Variants in PTPRF observed in about 807,000 individuals in gnomAD.
PTPRF encodes the protein receptor-type tyrosine-protein phosphatase F.
A neutral mutation model predicts 201.8 loss-of-function variants in PTPRF; 59 were observed. The ratio of observed to expected loss-of-function variants is 0.29; its 90% CI spans 0.24 to 0.36. The LOEUF (loss-of-function observed/expected upper bound fraction) is 0.36. Among genes scored for constraint, PTPRF ranks in the 10% least tolerant of loss-of-function variants. The pLI is 1.00. For synonymous variants in PTPRF, 1,088 were observed against 1,089.7 expected, an observed-to-expected ratio of 1.00 and a Z score of 0.03; for missense variants, 2,132 against 2,690.5, an observed-to-expected ratio of 0.79 and a Z score of 4.59.
At chr1:43,558,624 C>T (rs566132073) in intron 5 of PTPRF, among the ~76,000 whole-genome samples, 21 of 152,316 alleles carry the variant, frequency 1.4e-4, no homozygotes, top group South Asian at 8.3e-4. Context: ...TCTCCCTCGC[C>T]GGGTAATGGC....
At position 43,603,620 on chromosome 1, in the gene PTPRF, G is replaced by C. The variant is rs565543436; in HGVS notation, c.2468G>C (p.Arg823Pro). 1.2e-6 allele frequency: 2 copies of C among 1,612,550 alleles called. No homozygotes were observed. The highest frequency in any genetic ancestry group is 2.7e-5 in the African/African-American group (2 of 74,912). ...IVTTTGAVPG[R>P]PTMMISTTAM... ...GCCCGTGGTCCTTCAGTCCCAGGCCGGCCCACCATGATGATCAGCACCACG... is the reference window on the plus strand; with the variant it reads ...GCCCGTGGTCCTTCAGTCCCAGGCCCGCCCACCATGATGATCAGCACCACG... The change falls in exon 16 of 34, where the codon CGG becomes CCG. Residue 823 changes from arginine to proline, a missense_variant. Physicochemically the swap from Arg to Pro is moderately radical, Grantham distance 103. Around this residue, in one of 6 missense-constraint regions of PTPRF, gnomAD observed 818 missense variants for 915.3 expected, o/e 0.89. Transcript: ENST00000359947. This position sits in a 1 kb window ranked among gnomAD's most constrained non-coding sequence, Gnocchi z 5.8.
In PTPRF at chr1:43,617,392, C is replaced by T. The variant is rs1043051568; in HGVS notation, c.4072-53C>T. 5.6e-6 allele frequency: 9 copies of T among 1,608,908 alleles called. No homozygotes were observed. The African/African-American group carries it at 9.4e-5, about 17-fold the overall frequency. On this transcript the variant is annotated intron_variant, in intron 23 of 33. Transcript: ENST00000359947. ...AAGGCTGGGTCCCCTGCAGGAGAAG[C>T]AGGTCAACCTTGGCTCTTACCCCAC...
At chr1:43,578,744 T>G in intron 6 of PTPRF, 66 bp from the exon 7 acceptor site, 1 of 1,224,476 alleles carries the variant, frequency 8.2e-7, no homozygotes, top group Non-Finnish European at 1.2e-6. Flanking sequence ...TGTCGAGACC[T>G]CTCACCGTGT....
Position 43,599,216 on chromosome 1 carries a change from C to T in PTPRF, c.2313+303C>T, listed in dbSNP as rs570670088. Among the ~76,000 whole-genome samples, 462 of 152,316 alleles carry T rather than the reference C, an allele frequency of 3.0e-3. 2 individuals are homozygous for T. The highest frequency in any genetic ancestry group is 5.3e-3 in the Non-Finnish European group (359 of 68,026). On this transcript the variant is annotated intron_variant, in intron 13 of 33. Transcript: ENST00000359947. The stretch of plus-strand genomic sequence containing the variant: ...TCAGCCTCCCGAGTAGCTGGGATTA[C>T]AGGCGTCTGCCACTGCGCCTAGCCA...
rs572412073 is a variant in PTPRF, at chr1:43,592,714, C to T, written c.1813+113C>T. ...CAGGTGGGGTGGTCAGGTCTGCTGG[C>T]CAAACCGAACTCTGGCCTGGGCTCT... is the stretch of plus-strand genomic sequence containing the variant. On this transcript the variant is annotated intron_variant, in intron 11 of 33. Coordinates refer to ENST00000359947, the MANE Select transcript of PTPRF (RefSeq NM_002840.5). The T allele has an allele frequency of 6.1e-5, 77 of 1,260,182 alleles. No individual in the cohort carries two copies. In the African/African-American group the frequency reaches 1.1e-3, roughly 18 times the overall value. 78.1% of individuals were successfully genotyped at this position (1,260,182 alleles called of 1,614,324 possible). A position where few individuals can be genotyped will look rare whatever the true frequency, so the allele number is the denominator to read the frequency against.
At chr1:43,536,593 A>G (rs1175005067) in intron 1 of PTPRF, among the ~76,000 whole-genome samples, 1 of 152,208 alleles carries the variant, frequency 6.6e-6, no homozygotes, top group Non-Finnish European at 1.5e-5. Flanking sequence ...GGGTCTCTGC[A>G]CAATGGTGCA....
rs1570513468 is a variant in PTPRF, at chr1:43,600,052, T to C, written c.2313+1139T>C. Among the ~76,000 whole-genome samples the C allele has an allele frequency of 2.0e-5, 3 of 152,304 alleles. No homozygotes were observed. The East Asian group carries it at 5.8e-4, about 29-fold the overall frequency. On this transcript the variant is annotated intron_variant, in intron 13 of 33. Transcript: ENST00000359947. The stretch of plus-strand genomic sequence containing the variant: ...AGGAGCCTTATTCCTCCAGCTGGGC[T>C]CAGCCATCTGAAGCAAAATTCTTTC...
At chr1:43,613,355 A>T (rs1194216466) in intron 22 of PTPRF, 1 of 432,222 alleles carries the variant, frequency 2.3e-6, no homozygotes, top group African/African-American at 2.0e-5. Context: ...ATCTTGAGAG[A>T]CCTGCCAGGC....
intron 7 of PTPRF, among the ~76,000 whole-genome samples, chr1:43,587,996 G>T (rs1400493683): frequency 6.6e-6 from 1 of 152,190 alleles, no homozygotes; most frequent in Non-Finnish European, 1.5e-5. Flanking sequence ...GTTGGCGCAG[G>T]AAGCCGTCTG....
rs1652961058 is a variant in PTPRF, at chr1:43,598,577, A to G, written c.2120-143A>G. On this transcript the variant is annotated intron_variant, in intron 12 of 33. Transcript: ENST00000359947. ...GAGGGAGCCTTCCGTGTGCCTCACC[A>G]GGGACAGATGATCTAAGGAAACTGT... 6.4e-6 allele frequency: 5 copies of G among 781,660 alleles called. No individual in the cohort carries two copies. The East Asian group carries it at 1.1e-4, about 17-fold the overall frequency. The allele number at this position is 781,660 out of a possible 1,614,324, so 48.4% of individuals were successfully genotyped here.
At position 43,620,187 on chromosome 1, in the gene PTPRF, T is replaced by C. The variant is rs1240227296; in HGVS notation, c.5204T>C (p.Ile1735Thr). The C allele has an allele frequency of 1.2e-6, 2 of 1,614,072 alleles. No individual in the cohort carries two copies. The highest frequency in any genetic ancestry group is 1.3e-5 in the African/African-American group (1 of 75,026). The change falls in exon 30 of 34, where the codon ATC becomes ACC. Residue 1735 changes from isoleucine (I) to threonine (T), a missense_variant. Physicochemically the swap from Ile to Thr is moderately conservative, Grantham distance 89. Transcript: ENST00000359947. ...RMLWEHNSTI[I>T]VMLTKLREMG... Reference sequence around the variant, plus strand: ...CTATGGGAGCACAATTCCACCATCATCGTCATGCTGACCAAGCTTCGGGAG... The same window carrying C: ...CTATGGGAGCACAATTCCACCATCACCGTCATGCTGACCAAGCTTCGGGAG...
chr1:43,524,914 G>T (rs902116402), upstream of PTPRF, among the ~76,000 whole-genome samples: 2 of 152,228 alleles, frequency 1.3e-5, no homozygotes, highest in African/African-American at 2.4e-5. Context: ...GTTCCAAGCC[G>T]ACTGGAGAAC....
intron 5 of PTPRF, among the ~76,000 whole-genome samples, chr1:43,563,515 A>G (rs1645952083): frequency 6.6e-6 from 1 of 152,184 alleles, no homozygotes. Flanking sequence ...AAGGAGCCCC[A>G]GGAACCGACT....
At chr1:43,545,268 G>C (rs752168752) in intron 3 of PTPRF, 102 bp downstream of exon 3, 71 of 1,284,850 alleles carry the variant, frequency 5.5e-5, no homozygotes, top group Non-Finnish European at 7.4e-5. Flanking sequence ...GGAGAGACAG[G>C]GTGGCCAGAA....
intron 13 of PTPRF, among the ~76,000 whole-genome samples, 192 bp downstream of exon 13, chr1:43,599,105 TTTTG>T (rs372529817): frequency 1.1e-3 from 163 of 152,182 alleles, no homozygotes; most frequent in Non-Finnish European, 1.7e-3. Flanking sequence ...GGTGTGGGTT[TTTTG>T]TTTGTTTGTT....
In PTPRF at chr1:43,553,564, A is replaced by T; in HGVS notation, c.164A>T (p.Gln55Leu). 1.2e-6 allele frequency: 2 copies of T among 1,614,182 alleles called. No homozygotes were observed. Among genetic ancestry groups the T allele is most frequent in the Non-Finnish European group, 1.7e-6 (2 of 1,180,038 alleles). The change falls in exon 4 of 34, where the codon CAA (glutamine) becomes CTA (leucine). Residue 55 changes from glutamine (Q) to leucine (L), a missense_variant. This residue lies in a region of PTPRF where 297 missense variants were observed against 454.0 expected (regional missense o/e 0.65). Transcript: ENST00000359947. This position sits in a 1 kb window ranked among gnomAD's most constrained non-coding sequence, Gnocchi z 4.1. ...GGAGGGGTAGCCTCCTTCGTGTGCC[A>T]AGCTACAGGAGAACCCAAGCCGCGC... Reference protein sequence around the residue: ...LSGGVASFVCQATGEPKPRIT... With the variant: ...LSGGVASFVCLATGEPKPRIT...
At chr1:43,602,019 G>C in intron 13 of PTPRF, 52 bp from the exon 14 acceptor site, 2 of 1,589,066 alleles carry the variant, frequency 1.3e-6, no homozygotes, top group Non-Finnish European at 1.7e-6. Flanking sequence ...CCCTCTCCAG[G>C]TCAGAGTCCT....
chr1:43,531,469 C>A (rs1040866424), intron 1 of PTPRF, among the ~76,000 whole-genome samples: 2 of 147,396 alleles, frequency 1.4e-5, no homozygotes, highest in Non-Finnish European at 3.0e-5. Flanking sequence ...CCTCGTCCCC[C>A]CTTCTAGCGC....
chr1:43,579,031 A>G (rs771631358), intron 7 of PTPRF, 111 bp downstream of exon 7: 2 of 953,084 alleles, frequency 2.1e-6, no homozygotes, highest in South Asian at 2.7e-5. Flanking sequence ...CCATGGGCCC[A>G]GTCTCTTCTC....
Sources: gnomAD v4.1 joint callset for allele counts (sites outside exome capture counted in the v4.1 genomes callset) on GRCh38, gnomAD v4.1.1 for gene constraint, gnomAD v4.1.1 regional missense constraint, Gnocchi (gnomAD v3.1) non-coding constraint, MANE v1.5 for transcripts, NCBI Gene and HGNC (gene_info 2026-07-23, HGNC 2026-07-21) for gene names.